FNDC3B: variants seen among roughly 807,000 people sequenced by gnomAD.
FNDC3B encodes the protein fibronectin type III domain-containing protein 3B.
In FNDC3B, 12 loss-of-function variants were observed where a neutral mutation model predicts 151.5. The observed-to-expected ratio is 0.08, with a 90% CI of 0.05 to 0.13. FNDC3B has a LOEUF of 0.13. Ranked by LOEUF, FNDC3B falls within the 10% of genes least tolerant of loss-of-function variation. The pLI is 1.00. For missense variants in FNDC3B, 1,214 were observed against 1,505.3 expected, an observed-to-expected ratio of 0.81 and a Z score of 3.20; for synonymous variants, 528 against 549.0, an observed-to-expected ratio of 0.96 and a Z score of 0.54.
At chr3:172,111,965 G>A (rs985880058) in intron 1 of FNDC3B, among the ~76,000 whole-genome samples, 7 of 152,068 alleles carry the variant, frequency 4.6e-5, no homozygotes, top group African/African-American at 1.7e-4. Context: ...TATATTTTGG[G>A]CATAATTGAA....
At chr3:172,112,624 T>C (rs780522459) in intron 2 of FNDC3B, 34 bp downstream of exon 2, 2 of 1,377,508 alleles carry the variant, frequency 1.5e-6, no homozygotes, top group Non-Finnish European at 2.1e-6. Flanking sequence ...TAAGTCAAAT[T>C]GTCTAAGTGG....
chr3:172,262,503 C>T (rs568411736), intron 6 of FNDC3B, among the ~76,000 whole-genome samples: 22 of 151,952 alleles, frequency 1.4e-4, no homozygotes, highest in South Asian at 4.1e-4. Flanking sequence ...GTACACTATA[C>T]GGAGGTATTA....
intron 3 of FNDC3B, among the ~76,000 whole-genome samples, chr3:172,195,658 G>T (rs1724783055): frequency 1.3e-5 from 2 of 152,146 alleles, no homozygotes; most frequent in Non-Finnish European, 1.5e-5. Context: ...CTTGACTATT[G>T]TTTAGAGGTA....
At chr3:172,199,192 T>C (rs577355999) in intron 3 of FNDC3B, among the ~76,000 whole-genome samples, 1 of 148,768 alleles carries the variant, frequency 6.7e-6, no homozygotes, top group Non-Finnish European at 1.5e-5. Context: ...TTTTATTTTT[T>C]TTTTTTTGAG....
chr3:172,242,507 G>A (rs1576831472), intron 4 of FNDC3B, among the ~76,000 whole-genome samples: 4 of 152,184 alleles, frequency 2.6e-5, no homozygotes, highest in African/African-American at 9.7e-5. Context: ...CAGGCTCAAC[G>A]CCACATGGAA....
intron 1 of FNDC3B, among the ~76,000 whole-genome samples, chr3:172,106,290 C>T (rs1316419421): frequency 1.3e-5 from 2 of 152,142 alleles, no homozygotes; most frequent in Non-Finnish European, 2.9e-5. Context: ...TGTGCACCAC[C>T]ATGCCCAGTT....
intron 2 of FNDC3B, among the ~76,000 whole-genome samples, chr3:172,122,919 G>T (rs1720622334): frequency 6.6e-6 from 1 of 152,164 alleles, no homozygotes. Flanking sequence ...TGTTACTAAG[G>T]TTCCATTTCT....
At chr3:172,185,049 C>T (rs1724098455) in intron 3 of FNDC3B, among the ~76,000 whole-genome samples, 1 of 152,088 alleles carries the variant, frequency 6.6e-6, no homozygotes, top group South Asian at 2.1e-4. Context: ...AATATTTTTT[C>T]AAGAGGGTAG....
chr3:172,120,571 G>T (rs562043903), intron 2 of FNDC3B, among the ~76,000 whole-genome samples: 2 of 151,900 alleles, frequency 1.3e-5, no homozygotes, highest in African/African-American at 4.8e-5. Context: ...CAGGCATGGG[G>T]GGGGGTGTGT....
chr3:172,097,618 T>G (rs998407643), intron 1 of FNDC3B, among the ~76,000 whole-genome samples: 1 of 152,244 alleles, frequency 6.6e-6, no homozygotes, highest in Non-Finnish European at 1.5e-5. Flanking sequence ...TTATTCGTTA[T>G]TCTATTATCC....
chr3:172,130,542 G>C (rs1721025552), intron 2 of FNDC3B, among the ~76,000 whole-genome samples: 1 of 152,188 alleles, frequency 6.6e-6, no homozygotes, highest in Admixed American at 6.5e-5. Context: ...GAAGGTATAA[G>C]TGGACCTTAG....
intron 21 of FNDC3B, among the ~76,000 whole-genome samples, chr3:172,349,090 G>A (rs2108319154): frequency 6.6e-6 from 1 of 151,060 alleles, no homozygotes; most frequent in African/African-American, 2.4e-5. Context: ...AGGAGATAGA[G>A]ACTAGCCTGG....
intron 2 of FNDC3B, among the ~76,000 whole-genome samples, chr3:172,127,538 G>A (rs191575085): frequency 3.6e-5 from 5 of 140,322 alleles, no homozygotes; most frequent in African/African-American, 1.3e-4. Context: ...ATAAGTAGTA[G>A]CTGTTTCTTA....
chr3:172,048,580 T>A (rs935303154), intron 1 of FNDC3B, among the ~76,000 whole-genome samples: 4 of 152,226 alleles, frequency 2.6e-5, no homozygotes, highest in Non-Finnish European at 4.4e-5. Context: ...AATTACTATA[T>A]GATTCAGCAA....
chr3:172,212,567 G>C (rs1367934111), intron 3 of FNDC3B, among the ~76,000 whole-genome samples: 1 of 152,178 alleles, frequency 6.6e-6, no homozygotes, highest in Non-Finnish European at 1.5e-5. Flanking sequence ...GAGGATGATA[G>C]CAGGAAGAAT....
chr3:172,074,914 G>A (rs904593695), intron 1 of FNDC3B, among the ~76,000 whole-genome samples: 1 of 152,176 alleles, frequency 6.6e-6, no homozygotes, highest in Non-Finnish European at 1.5e-5. Flanking sequence ...TGCCTTGCAC[G>A]AGTGAAAGCC....
intron 11 of FNDC3B, among the ~76,000 whole-genome samples, chr3:172,317,977 T>C (rs1211339961): frequency 2.0e-5 from 3 of 152,210 alleles, no homozygotes; most frequent in Non-Finnish European, 4.4e-5. Context: ...CCTTCCTCAC[T>C]TGTGACCCAG....
At chr3:172,116,436 T>C (rs1576879214) in intron 2 of FNDC3B, among the ~76,000 whole-genome samples, 1 of 152,072 alleles carries the variant, frequency 6.6e-6, no homozygotes, top group Admixed American at 6.6e-5. Flanking sequence ...CTCTCTCCCT[T>C]CCCCCCGTCC....
intron 4 of FNDC3B, among the ~76,000 whole-genome samples, chr3:172,230,458 C>T (rs531278830): frequency 1.3e-5 from 2 of 150,508 alleles, no homozygotes; most frequent in South Asian, 2.1e-4. Flanking sequence ...GAACTGAGAT[C>T]GTGCCACTGC....
Sources: allele counts gnomAD v4.1 joint callset (sites outside exome capture counted in the v4.1 genomes callset), GRCh38; gene constraint gnomAD v4.1.1; transcripts MANE v1.5; gene names NCBI Gene and HGNC (gene_info 2026-07-23, HGNC 2026-07-21).